Variants in ZDHHC15 observed in about 807,000 individuals in gnomAD.
ZDHHC15 encodes zDHHC palmitoyltransferase 15.
Under a neutral mutation model 31.7 loss-of-function variants are expected in ZDHHC15, and 19 were observed. That is an observed-to-expected ratio of 0.60 (90% CI 0.42 to 0.88). The LOEUF is 0.88. ZDHHC15 is among the 40% of genes least tolerant of loss of function. ZDHHC15 has a pLI of 0.00. For missense variants in ZDHHC15, 209 were observed against 251.2 expected (o/e 0.83, Z 1.14); for synonymous variants, 103 against 90.0 (o/e 1.14, Z -0.82).
In ZDHHC15 at chrX:75,483,101, A is replaced by G. The variant is rs1049847034; in HGVS notation, c.164-4116T>C. 9.8e-5 allele frequency among the ~76,000 whole-genome samples: 10 copies of G among 102,097 alleles called. No individual in the cohort carries two copies. The Admixed American group carries it at 1.1e-3, about 11-fold the overall frequency. The allele number at this position is 102,097 out of a possible 115,157, so 88.7% of individuals were successfully genotyped here. A position where few individuals can be genotyped will look rare whatever the true frequency, so the allele number is the denominator to read the frequency against. On this transcript the variant is annotated intron_variant, in intron 2 of 11. Coordinates refer to ENST00000373367, the MANE Select transcript of ZDHHC15 (RefSeq NM_144969.3). ...TATGTGTATATATATATATATATAT[A>G]TGATTAAAATACCTGCTTGTCAAAG...
Position 75,494,645 on chromosome X carries a change from T to C in ZDHHC15, c.163+11176A>G, listed in dbSNP as rs764394570. On this transcript the variant is annotated intron_variant, in intron 2 of 11. Transcript: ENST00000373367. Reference sequence around the variant, plus strand: ...ATAATGCCGCTTATCTACAACCATCTGATCTTTGACAAACCTGACAAAAAC... The same window carrying C: ...ATAATGCCGCTTATCTACAACCATCCGATCTTTGACAAACCTGACAAAAAC... Among the ~76,000 whole-genome samples the C allele has an allele frequency of 1.2e-3, 132 of 112,212 alleles. 1 individual carries two copies. Among genetic ancestry groups the C allele is most frequent in the Middle Eastern group, 9.2e-3 (2 of 218 alleles).
At chrX:75,437,657 G>A (rs1280023876) in intron 4 of ZDHHC15, among the ~76,000 whole-genome samples, 2 of 104,799 alleles carry the variant, frequency 1.9e-5, no homozygotes, top group Non-Finnish European at 3.9e-5. Flanking sequence ...TGGTGTATAT[G>A]TGCCACATTT....
intron 1 of ZDHHC15, among the ~76,000 whole-genome samples, chrX:75,516,747 A>C (rs1477186963): frequency 8.9e-6 from 1 of 112,200 alleles, no homozygotes; most frequent in Non-Finnish European, 1.9e-5. Flanking sequence ...GGATCTAATT[A>C]AACTAAAGAG....
At chrX:75,516,172 T>C (rs1250839446) in intron 1 of ZDHHC15, among the ~76,000 whole-genome samples, 2 of 111,766 alleles carry the variant, frequency 1.8e-5, no homozygotes, top group Non-Finnish European at 3.8e-5. Flanking sequence ...AGGTAATTTA[T>C]AGATTCAATG....
intron 10 of ZDHHC15, among the ~76,000 whole-genome samples, chrX:75,382,966 A>C (rs757325094): frequency 8.9e-6 from 1 of 111,836 alleles, no homozygotes; most frequent in African/African-American, 3.2e-5. Context: ...CCCATGCTAG[A>C]GCTCTATCCA....
intron 1 of ZDHHC15, among the ~76,000 whole-genome samples, chrX:75,518,790 TATATATATATATATATACAC>T (rs1178548375): frequency 3.5e-4 from 9 of 25,536 alleles, no homozygotes; most frequent in African/African-American, 1.0e-3. Flanking sequence ...TATATATATA[TATATATATATATATATACAC>T]ACACACACAC....
intron 2 of ZDHHC15, among the ~76,000 whole-genome samples, chrX:75,481,633 C>A (rs1002134914): frequency 9.0e-6 from 1 of 111,729 alleles, no homozygotes; most frequent in African/African-American, 3.3e-5. Flanking sequence ...TAAGGTGAGA[C>A]CATAGAGATC....
At chrX:75,427,722 A>G (rs905301958) in intron 7 of ZDHHC15, among the ~76,000 whole-genome samples, 3 of 111,724 alleles carry the variant, frequency 2.7e-5, no homozygotes, top group Non-Finnish European at 5.7e-5. Context: ...GGACAAAGGA[A>G]GAGATGATGA....
chrX:75,511,700 C>T (rs1419082423), intron 1 of ZDHHC15, among the ~76,000 whole-genome samples: 3 of 103,754 alleles, frequency 2.9e-5, no homozygotes, highest in Non-Finnish European at 5.9e-5. Context: ...CCGAATTCTA[C>T]CAGAGGTACA....
intron 10 of ZDHHC15, among the ~76,000 whole-genome samples, chrX:75,405,881 A>G (rs2083406166): frequency 8.9e-6 from 1 of 112,523 alleles, no homozygotes; most frequent in African/African-American, 3.2e-5. Flanking sequence ...TCTTCAGCAC[A>G]TAGAGCATTC....
At chrX:75,408,696 C>T (rs974504766) in intron 10 of ZDHHC15, among the ~76,000 whole-genome samples, 1 of 112,065 alleles carries the variant, frequency 8.9e-6, no homozygotes, top group Non-Finnish European at 1.9e-5. Context: ...TTTAGGAAAC[C>T]CTAAGAACTC....
chrX:75,421,758 A>C lies in ZDHHC15; in HGVS notation c.863+106T>G, dbSNP rs1045725826. On this transcript the variant is annotated intron_variant, in intron 9 of 11. Coordinates refer to ENST00000373367, the MANE Select transcript of ZDHHC15 (RefSeq NM_144969.3). ...TAGAAATGAAGAACTTGGGGAATAG[A>C]GTTTCACACTGGACTGATACCTGCT... 13 of 847,458 alleles carry C rather than the reference A, an allele frequency of 1.5e-5. No individual in the cohort carries two copies. The East Asian group carries it at 4.5e-4, about 29-fold the overall frequency. 69.8% of individuals were successfully genotyped at this position (847,458 alleles called of 1,213,427 possible).
intron 2 of ZDHHC15, among the ~76,000 whole-genome samples, chrX:75,486,414 C>T (rs1474236866): frequency 1.8e-5 from 2 of 112,180 alleles, no homozygotes; most frequent in Non-Finnish European, 3.8e-5. Context: ...TAGCTGAACT[C>T]TGTAATAATT....
At chrX:75,416,987 A>G in intron 10 of ZDHHC15, 100 bp downstream of exon 10, 1 of 642,809 alleles carries the variant, frequency 1.6e-6, no homozygotes, top group Non-Finnish European at 2.4e-6. Flanking sequence ...GAGGACACTT[A>G]TGAGGTTGAC....
chrX:75,384,038 G>A (rs1018561636), intron 10 of ZDHHC15, among the ~76,000 whole-genome samples: 4 of 110,404 alleles, frequency 3.6e-5, no homozygotes, highest in Non-Finnish European at 7.6e-5. Flanking sequence ...CACCGCACCC[G>A]GCCAGAAATG....
At chrX:75,478,627 C>T (rs2084642064) in intron 3 of ZDHHC15, among the ~76,000 whole-genome samples, 1 of 111,572 alleles carries the variant, frequency 9.0e-6, no homozygotes, top group South Asian at 3.8e-4. Context: ...GATTCTCCCA[C>T]CTCAGCCTCC....
intron 10 of ZDHHC15, among the ~76,000 whole-genome samples, chrX:75,383,331 T>A (rs772771857): frequency 8.9e-6 from 1 of 112,493 alleles, no homozygotes; most frequent in East Asian, 2.8e-4. Context: ...TTTCCAACAG[T>A]TGCAGAGAAT....
At chrX:75,461,383 T>C (rs2084312685) in intron 3 of ZDHHC15, among the ~76,000 whole-genome samples, 1 of 111,727 alleles carries the variant, frequency 9.0e-6, no homozygotes, top group Non-Finnish European at 1.9e-5. Context: ...CCAGGAGAAC[T>C]TCTCCAGCCT....
intron 1 of ZDHHC15, among the ~76,000 whole-genome samples, chrX:75,518,845 AC>A (rs1162308301): frequency 1.3e-5 from 1 of 78,684 alleles, no homozygotes; most frequent in African/African-American, 4.5e-5. Context: ...ACACACACAC[AC>A]AATAGACTAT....
Sources: gnomAD v4.1 joint callset for allele counts (sites outside exome capture counted in the v4.1 genomes callset) on GRCh38, gnomAD v4.1.1 for gene constraint, MANE v1.5 for transcripts, NCBI Gene and HGNC (gene_info 2026-07-23, HGNC 2026-07-21) for gene names.